Variants in UTRN observed in about 807,000 individuals in gnomAD.
The protein encoded by UTRN is utrophin, also known as dystrophin-related protein 1.
A neutral mutation model predicts 463.9 loss-of-function variants in UTRN; 283 were observed. The ratio of observed to expected loss-of-function variants is 0.61; its 90% CI spans 0.55 to 0.67. The LOEUF (loss-of-function observed/expected upper bound fraction) is 0.67, where lower values mean the gene tolerates loss of function less well. Among genes scored for constraint, UTRN ranks in the 30% least tolerant of loss-of-function variants. UTRN has a pLI of 0.00. For missense variants in UTRN, 3,922 were observed against 4,084.3 expected, an observed-to-expected ratio of 0.96 and a Z score of 1.08; for synonymous variants, 1,442 against 1,431.5, an observed-to-expected ratio of 1.01 and a Z score of -0.17.
chr6:144,720,460 A>C (rs1220240052), intron 53 of UTRN, among the ~76,000 whole-genome samples: 1 of 152,174 alleles, frequency 6.6e-6, no homozygotes, highest in Non-Finnish European at 1.5e-5. Context: ...GGAGTCGGAG[A>C]GGTGGGACAG....
intron 71 of UTRN, among the ~76,000 whole-genome samples, chr6:144,838,668 A>G (rs1415564318): frequency 6.6e-6 from 1 of 152,218 alleles, no homozygotes; most frequent in Non-Finnish European, 1.5e-5. Context: ...CATTTTACAA[A>G]TAAAGAACTG....
At chr6:144,667,179 C>T (rs980134515) in intron 51 of UTRN, among the ~76,000 whole-genome samples, 15 of 152,098 alleles carry the variant, frequency 9.9e-5, no homozygotes, top group African/African-American at 3.1e-4. Flanking sequence ...CTCAGCCTCC[C>T]GAGTAGCTGG....
intron 1 of UTRN, among the ~76,000 whole-genome samples, chr6:144,290,354 C>T (rs989919410): frequency 6.6e-6 from 1 of 152,198 alleles, no homozygotes; most frequent in African/African-American, 2.4e-5. Flanking sequence ...CTCCCCCTCT[C>T]CCAGGTAATT....
chr6:144,399,752 GAT>G (rs1436862165), intron 2 of UTRN, among the ~76,000 whole-genome samples: 1 of 152,148 alleles, frequency 6.6e-6, no homozygotes, highest in Non-Finnish European at 1.5e-5. Context: ...GATTTAAATT[GAT>G]ATATGTTGCT....
intron 51 of UTRN, among the ~76,000 whole-genome samples, chr6:144,637,557 C>G (rs1777310694): frequency 1.3e-5 from 2 of 151,872 alleles, no homozygotes; most frequent in Non-Finnish European, 2.9e-5. Flanking sequence ...GTACCACACC[C>G]AGAATAACCA....
Position 144,516,937 on chromosome 6 carries a change from A to C in UTRN, c.5530A>C (p.Asn1844His). 6.8e-7 allele frequency: 1 copy of C among 1,479,946 alleles called. No homozygotes were observed. 91.7% of individuals were successfully genotyped at this position (1,479,946 alleles called of 1,614,324 possible). Residue 1844 changes from asparagine (N) to histidine (H), a missense_variant, in exon 39 of 75, where the codon AAC (asparagine) becomes CAC (histidine). By Grantham distance (68) the Asn-to-His change is moderately conservative. Coordinates refer to ENST00000367545, the MANE Select transcript of UTRN (RefSeq NM_007124.3). ...LQLLLLHTRY[N>H]KIKAIPIQQR... ...ATTATTACTTTTGCATACTAGATAC[A>C]ACAAAATTAAGGTATTATGATTGGA...
intron 2 of UTRN, among the ~76,000 whole-genome samples, chr6:144,374,962 AAAG>A (rs1780329278): frequency 6.6e-6 from 1 of 151,708 alleles, no homozygotes; most frequent in Non-Finnish European, 1.5e-5. Flanking sequence ...AAAAAAAAAA[AAAG>A]TAACTAAAAG....
At chr6:144,780,847 C>T (rs1775764873) in intron 60 of UTRN, among the ~76,000 whole-genome samples, 1 of 152,188 alleles carries the variant, frequency 6.6e-6, no homozygotes, top group South Asian at 2.1e-4. Context: ...GAATTCTTGC[C>T]TTTTCTCAAG....
intron 52 of UTRN, among the ~76,000 whole-genome samples, chr6:144,693,803 A>G (rs188536197): frequency 3.3e-5 from 5 of 152,268 alleles, no homozygotes; most frequent in Admixed American, 6.5e-5. Context: ...CTGAGACTAT[A>G]AAGTTTTCTG....
chr6:144,740,113 A>G (rs1586316892), intron 54 of UTRN, among the ~76,000 whole-genome samples: 1 of 152,358 alleles, frequency 6.6e-6, no homozygotes, highest in East Asian at 1.9e-4. Context: ...TGAGAGGCTT[A>G]GAGGCATACT....
chr6:144,525,550 A>T (rs1190543178), intron 41 of UTRN, among the ~76,000 whole-genome samples: 1 of 152,012 alleles, frequency 6.6e-6, no homozygotes, highest in African/African-American at 2.4e-5. Context: ...TTTCTGATTG[A>T]ACTGATTTGG....
intron 58 of UTRN, among the ~76,000 whole-genome samples, chr6:144,760,465 A>G (rs927823458): frequency 1.3e-5 from 2 of 152,158 alleles, no homozygotes; most frequent in African/African-American, 4.8e-5. Flanking sequence ...AAGTCTTCCA[A>G]ATTTTTAGAA....
Position 144,852,218 on chromosome 6 carries a change from A to T in UTRN, c.*1221A>T, listed in dbSNP as rs1782523242. ...GTCTATGTCACTGCTTCTACAGAAG[A>T]ATGAAATTAATGCTTAGGTGATGGT... On this transcript the variant is annotated 3_prime_UTR_variant, in exon 75 of 75. Transcript: ENST00000367545. The T allele has an allele frequency of 6.6e-6, 1 of 152,184 alleles. No homozygotes were observed. The highest frequency in any genetic ancestry group is 2.1e-4 in the South Asian group (1 of 4,832). The allele number at this position is 152,184 out of a possible 1,614,324, so 9.4% of individuals were successfully genotyped here.
At chr6:144,791,335 A>G (rs914680709) in intron 62 of UTRN, among the ~76,000 whole-genome samples, 2 of 152,006 alleles carry the variant, frequency 1.3e-5, no homozygotes, top group Non-Finnish European at 2.9e-5. Context: ...GTCCTTTCCT[A>G]AGAATATTCC....
intron 52 of UTRN, among the ~76,000 whole-genome samples, chr6:144,689,117 G>T (rs1009782973): frequency 6.6e-6 from 1 of 152,180 alleles, no homozygotes; most frequent in Non-Finnish European, 1.5e-5. Context: ...GAATGCTGAT[G>T]TTACATATAG....
Position 144,440,335 on chromosome 6 carries a change from T to A in UTRN, c.1393-17T>A, listed in dbSNP as rs779180405. ...GTGAAAGTAGAAATAATGGTTTATC[T>A]TAATTTTTTTCTCTAGAGTTTGCAA... On this transcript the variant is annotated splice_polypyrimidine_tract_variant and intron_variant, in intron 12 of 74. Coordinates refer to ENST00000367545, the MANE Select transcript of UTRN (RefSeq NM_007124.3). 6.2e-7 allele frequency: 1 copy of A among 1,613,940 alleles called. No homozygotes were observed. The highest frequency in any genetic ancestry group is 8.5e-7 in the Non-Finnish European group (1 of 1,179,812).
At chr6:144,669,684 A>G (rs931448484) in intron 51 of UTRN, among the ~76,000 whole-genome samples, 1 of 152,010 alleles carries the variant, frequency 6.6e-6, no homozygotes, top group Admixed American at 6.6e-5. Flanking sequence ...TGCACCCATC[A>G]CCCAAGCAGT....
chr6:144,369,890 C>G (rs950501651), intron 2 of UTRN, among the ~76,000 whole-genome samples: 27 of 152,198 alleles, frequency 1.8e-4, no homozygotes, highest in African/African-American at 6.3e-4. Context: ...GTAAGACATG[C>G]CTTTGCTCCT....
At chr6:144,445,601 G>C (rs1323793310) in intron 14 of UTRN, among the ~76,000 whole-genome samples, 1 of 150,202 alleles carries the variant, frequency 6.7e-6, no homozygotes, top group Non-Finnish European at 1.5e-5. Flanking sequence ...TTCTTATTAG[G>C]AATCACAAAA....
Sources: gnomAD v4.1 joint callset for allele counts (sites outside exome capture counted in the v4.1 genomes callset) on GRCh38, gnomAD v4.1.1 for gene constraint, MANE v1.5 for transcripts, NCBI Gene and HGNC (gene_info 2026-07-23, HGNC 2026-07-21) for gene names.